C8orf34: variants seen among roughly 807,000 people sequenced by gnomAD.
C8orf34 encodes the protein chromosome 8 open reading frame 34.
In C8orf34, 65 loss-of-function variants were observed where a neutral mutation model predicts 68.3. The ratio of observed to expected loss-of-function variants is 0.95; its 90% confidence interval spans 0.78 to 1.17. The LOEUF is 1.17. C8orf34 is among the 50% of genes most tolerant of loss of function. C8orf34 has a pLI of 0.00. For synonymous variants in C8orf34, 244 were observed against 241.2 expected (o/e 1.01, Z -0.11); for missense variants, 664 against 655.4 (o/e 1.01, Z -0.14).
chr8:68,505,259 T>A (rs938018009), intron 5 of C8orf34, among the ~76,000 whole-genome samples: 18 of 152,230 alleles, frequency 1.2e-4, no homozygotes, highest in Non-Finnish European at 2.4e-4. Flanking sequence ...CATTGTACTT[T>A]TTATTTACAT....
At chr8:68,629,211 T>G (rs1317576587) in intron 7 of C8orf34, among the ~76,000 whole-genome samples, 1 of 152,176 alleles carries the variant, frequency 6.6e-6, no homozygotes, top group Non-Finnish European at 1.5e-5. Flanking sequence ...TCCAAACTCC[T>G]TCACTAGATC....
chr8:68,799,614 T>A (rs1173671438), intron 12 of C8orf34, among the ~76,000 whole-genome samples: 2 of 152,166 alleles, frequency 1.3e-5, no homozygotes, highest in African/African-American at 4.8e-5. Flanking sequence ...TGGGCCAGAT[T>A]ACCCCCTTAA....
chr8:68,753,826 T>C (rs1822772730), intron 10 of C8orf34, among the ~76,000 whole-genome samples: 1 of 152,212 alleles, frequency 6.6e-6, no homozygotes, highest in African/African-American at 2.4e-5. Flanking sequence ...CTCCATATTG[T>C]TGAAATTGAC....
chr8:68,533,204 C>T (rs1047440746), intron 7 of C8orf34, 55 bp downstream of exon 7: 8 of 1,525,058 alleles, frequency 5.2e-6, no homozygotes, highest in Middle Eastern at 1.8e-4. Context: ...GTAAAAAAAA[C>T]GTGTGGTGAT....
At chr8:68,742,211 C>T (rs753019488) in intron 10 of C8orf34, among the ~76,000 whole-genome samples, 2 of 152,184 alleles carry the variant, frequency 1.3e-5, no homozygotes, top group Non-Finnish European at 2.9e-5. Context: ...CTGCCTTATC[C>T]GGCCAGTCCC....
intron 1 of C8orf34, among the ~76,000 whole-genome samples, chr8:68,350,453 G>C (rs1806464755): frequency 6.6e-6 from 1 of 151,856 alleles, no homozygotes; most frequent in East Asian, 1.9e-4. Context: ...AGATCCATTT[G>C]GTCCAATATT....
At chr8:68,358,307 G>C (rs944120201) in intron 1 of C8orf34, among the ~76,000 whole-genome samples, 1 of 151,890 alleles carries the variant, frequency 6.6e-6, no homozygotes, top group African/African-American at 2.4e-5. Context: ...CAAAGATGAA[G>C]CACCAAAAAA....
At chr8:68,570,791 G>A (rs1816739897) in intron 7 of C8orf34, among the ~76,000 whole-genome samples, 1 of 152,144 alleles carries the variant, frequency 6.6e-6, no homozygotes, top group South Asian at 2.1e-4. Context: ...ATTTTAACAA[G>A]ATCCCATTGT....
chr8:68,624,581 AT>A (rs1044867015), intron 7 of C8orf34, among the ~76,000 whole-genome samples: 24 of 152,216 alleles, frequency 1.6e-4, no homozygotes, highest in African/African-American at 5.1e-4. Flanking sequence ...TGCCTTATCT[AT>A]AAAATGGAGA....
At chr8:68,611,534 T>A (rs1480766631) in intron 7 of C8orf34, among the ~76,000 whole-genome samples, 1 of 152,186 alleles carries the variant, frequency 6.6e-6, no homozygotes, top group Non-Finnish European at 1.5e-5. Flanking sequence ...TCATAGAAAT[T>A]AATACACAGC....
intron 8 of C8orf34, among the ~76,000 whole-genome samples, chr8:68,688,994 C>T (rs964073923): frequency 2.6e-5 from 4 of 151,646 alleles, no homozygotes; most frequent in African/African-American, 7.3e-5. Context: ...AAGTAAAATA[C>T]AAAACAAAAC....
At chr8:68,642,753 G>A (rs1391387713) in intron 8 of C8orf34, among the ~76,000 whole-genome samples, 1 of 152,204 alleles carries the variant, frequency 6.6e-6, no homozygotes, top group Admixed American at 6.5e-5. Context: ...AAGGCTGTGT[G>A]TTAGATCAGC....
chr8:68,450,016 G>C (rs916241276), intron 3 of C8orf34, among the ~76,000 whole-genome samples: 3 of 152,096 alleles, frequency 2.0e-5, no homozygotes, highest in African/African-American at 7.2e-5. Context: ...CAACTAAGTT[G>C]ATGCAATATT....
At chr8:68,664,362 G>A (rs989065236) in intron 8 of C8orf34, among the ~76,000 whole-genome samples, 1 of 152,132 alleles carries the variant, frequency 6.6e-6, no homozygotes, top group African/African-American at 2.4e-5. Flanking sequence ...AAGGAGTAAG[G>A]GGGTTAAGAG....
intron 7 of C8orf34, among the ~76,000 whole-genome samples, chr8:68,616,870 C>G (rs1213291499): frequency 6.6e-6 from 1 of 152,144 alleles, no homozygotes; most frequent in East Asian, 1.9e-4. Flanking sequence ...ATTGATCTGT[C>G]TAATGTTGAC....
chr8:68,404,023 C>A (rs1297697342), intron 1 of C8orf34, among the ~76,000 whole-genome samples: 1 of 152,214 alleles, frequency 6.6e-6, no homozygotes, highest in Non-Finnish European at 1.5e-5. Flanking sequence ...TTCTCCACAT[C>A]CTCTCCAACA....
chr8:68,816,043 G>C, intron 13 of C8orf34, 98 bp downstream of exon 13: 1 of 1,581,090 alleles, frequency 6.3e-7, no homozygotes, highest in Non-Finnish European at 8.6e-7. Context: ...TAGTCCTCAT[G>C]ACCTCTAATG....
chr8:68,665,207 A>G (rs2164198), intron 8 of C8orf34, among the ~76,000 whole-genome samples: 34,043 of 152,182 alleles, frequency 0.22, 4,126 homozygotes, highest in Middle Eastern at 0.35. Context: ...GTATGTCTTC[A>G]TAGATCAATT....
At chr8:68,607,877 G>C (rs956285949) in intron 7 of C8orf34, among the ~76,000 whole-genome samples, 2 of 152,048 alleles carry the variant, frequency 1.3e-5, no homozygotes, top group Admixed American at 6.6e-5. Flanking sequence ...GCTAAGATAC[G>C]TTCAAAAGGA....
Sources: allele counts gnomAD v4.1 joint callset (sites outside exome capture counted in the v4.1 genomes callset), GRCh38; gene constraint gnomAD v4.1.1; transcripts MANE v1.5; gene names NCBI Gene and HGNC (gene_info 2026-07-23, HGNC 2026-07-21).